The following SH3PXD2B variants were observed in gnomAD, a reference collection of about 807,000 sequenced individuals.
SH3PXD2B encodes SH3 and PX domain-containing protein 2B.
Under a neutral mutation model 73.1 loss-of-function variants are expected in SH3PXD2B, and 37 were observed. The ratio of observed to expected loss-of-function variants is 0.51; its 90% CI spans 0.39 to 0.67. SH3PXD2B has a LOEUF of 0.67. Among genes scored for constraint, SH3PXD2B ranks in the 30% least tolerant of loss-of-function variants. The probability of loss-of-function intolerance (pLI) is 0.00; values close to 1 mark genes in which losing one functional copy is unlikely to be tolerated. For missense variants in SH3PXD2B, 1,053 were observed against 1,197.8 expected (o/e 0.88, Z 1.78); for synonymous variants, 457 against 480.5 (o/e 0.95, Z 0.64).
chr5:172,374,345 T>C (rs1757776018), intron 5 of SH3PXD2B, among the ~76,000 whole-genome samples: 1 of 151,992 alleles, frequency 6.6e-6, no homozygotes, highest in African/African-American at 2.4e-5. Flanking sequence ...GAATAATGAA[T>C]AGTGAGTCCC....
chr5:172,436,041 G>T (rs2113492778), intron 1 of SH3PXD2B, among the ~76,000 whole-genome samples: 1 of 152,314 alleles, frequency 6.6e-6, no homozygotes, highest in African/African-American at 2.4e-5. Context: ...GGAGGTGCTG[G>T]CCAAGAGGTG....
chr5:172,389,237 G>T (rs1396416920), intron 4 of SH3PXD2B, among the ~76,000 whole-genome samples: 2 of 151,710 alleles, frequency 1.3e-5, no homozygotes, highest in East Asian at 3.9e-4. Flanking sequence ...TATATTTTTA[G>T]TAGAGATGGG....
In SH3PXD2B at chr5:172,454,488, G is replaced by GCCGCCA. The variant is rs923495471; in HGVS notation, c.-142_-137dup. ...CAGCCGGGGCCGAGCACGAGCCGCC[G>GCCGCCA]CCGCCACCGCCGCCGCCCTTCGCTC... is the stretch of plus-strand genomic sequence containing the variant. On this transcript the variant is annotated 5_prime_UTR_variant, in exon 1 of 13. Coordinates refer to ENST00000311601, the MANE Select transcript of SH3PXD2B (RefSeq NM_001017995.3). 8.4e-6 allele frequency: 2 copies of GCCGCCA among 237,158 alleles called. No individual in the cohort carries two copies. The highest frequency in any genetic ancestry group is 1.4e-5 in the Non-Finnish European group (2 of 145,216). 14.7% of individuals were successfully genotyped at this position (237,158 alleles called of 1,614,324 possible). A position where few individuals can be genotyped will look rare whatever the true frequency, so the allele number is the denominator to read the frequency against.
chr5:172,384,704 T>C (rs1758021103), intron 4 of SH3PXD2B, among the ~76,000 whole-genome samples: 1 of 152,256 alleles, frequency 6.6e-6, no homozygotes, highest in Non-Finnish European at 1.5e-5. Flanking sequence ...TTTTAAAGGC[T>C]GAGTAATATT....
rs1293195611 is a variant in SH3PXD2B, at chr5:172,337,289, A to C, written c.*1080T>G. On this transcript the variant is annotated 3_prime_UTR_variant, in exon 13 of 13. Transcript: ENST00000311601. The stretch of plus-strand genomic sequence containing the variant: ...CTTGGCCACCACTTAGCCAGCTTCT[A>C]TCTCTTCCCTGCCTGGTTTGTCTTT... The C allele has an allele frequency of 9.1e-6, 9 of 985,542 alleles. No individual in the cohort carries two copies. Among genetic ancestry groups the C allele is most frequent in the Non-Finnish European group, 1.1e-5 (9 of 830,096 alleles). 61.0% of individuals were successfully genotyped at this position (985,542 alleles called of 1,614,324 possible).
chr5:172,450,303 G>C (rs76761317), intron 1 of SH3PXD2B, among the ~76,000 whole-genome samples: 11,183 of 150,960 alleles, frequency 0.074, 1,386 homozygotes, highest in African/African-American at 0.26. Flanking sequence ...CAGGATAGTG[G>C]TTTTATGGGG....
intron 3 of SH3PXD2B, among the ~76,000 whole-genome samples, chr5:172,399,362 C>T (rs749246431): frequency 5.3e-5 from 8 of 152,168 alleles, no homozygotes; most frequent in Non-Finnish European, 8.8e-5. Context: ...TACCTCTGCT[C>T]AAAAGGCTGA....
chr5:172,442,228 TGC>T (rs963508556), intron 1 of SH3PXD2B, among the ~76,000 whole-genome samples: 14 of 152,358 alleles, frequency 9.2e-5, no homozygotes, highest in African/African-American at 3.4e-4. Flanking sequence ...ACAGGCTGAC[TGC>T]ACGGTCAGAG....
chr5:172,331,768 A>G (rs1245916822), downstream of SH3PXD2B, among the ~76,000 whole-genome samples: 2 of 152,140 alleles, frequency 1.3e-5, no homozygotes, highest in East Asian at 1.9e-4. Context: ...CCTGGCCAAC[A>G]TGGTGAAACC....
At chr5:172,427,074 G>A (rs1041142518) in intron 1 of SH3PXD2B, among the ~76,000 whole-genome samples, 6 of 152,186 alleles carry the variant, frequency 3.9e-5, no homozygotes, top group African/African-American at 1.4e-4. Flanking sequence ...TTCACAAGAG[G>A]CCAAAGATGG....
chr5:172,445,414 T>TC lies in SH3PXD2B; in HGVS notation c.75+8863dup, dbSNP rs763182967. Among the ~76,000 whole-genome samples the TC allele has an allele frequency of 6.6e-6, 1 of 151,968 alleles. No homozygotes were observed. The highest frequency in any genetic ancestry group is 1.5e-5 in the Non-Finnish European group (1 of 67,988). On this transcript the variant is annotated intron_variant, in intron 1 of 12. Coordinates refer to ENST00000311601, the MANE Select transcript of SH3PXD2B (RefSeq NM_001017995.3). This position sits in a 1 kb window ranked among gnomAD's most constrained non-coding sequence, Gnocchi z 5.2. ...TAGTAGAGATGAGGTCTCACTATGT[T>TC]CCCCAGGCTGGTATTGAACTCCTGG...
At chr5:172,423,630 G>A (rs1759027985) in intron 1 of SH3PXD2B, among the ~76,000 whole-genome samples, 2 of 151,840 alleles carry the variant, frequency 1.3e-5, no homozygotes, top group Non-Finnish European at 2.9e-5. Flanking sequence ...ACAGCCAGTA[G>A]GAGTCTGTCC....
chr5:172,397,581 G>A (rs1012215238), intron 3 of SH3PXD2B, among the ~76,000 whole-genome samples: 3 of 152,086 alleles, frequency 2.0e-5, no homozygotes, highest in Non-Finnish European at 4.4e-5. Flanking sequence ...TCTCTCTTTT[G>A]TACTCTTTCC....
In SH3PXD2B at chr5:172,447,202, G is replaced by GA. The variant is rs898419371; in HGVS notation, c.75+7075dup. Reference sequence around the variant, plus strand: ...AAGCACAGAAAAGCACAGACAAGCAGAAAAAAAAAAGGAATGACATTTTAT... The same window carrying GA: ...AAGCACAGAAAAGCACAGACAAGCAGAAAAAAAAAAAGGAATGACATTTTAT... On this transcript the variant is annotated intron_variant, in intron 1 of 12. Transcript: ENST00000311601. Among the ~76,000 whole-genome samples, 82 of 147,576 alleles carry GA rather than the reference G, an allele frequency of 5.6e-4. 1 individual carries two copies. In the Middle Eastern group the frequency reaches 0.01, roughly 19 times the overall value.
chr5:172,430,553 C>T (rs773672553), intron 1 of SH3PXD2B, among the ~76,000 whole-genome samples: 69 of 152,362 alleles, frequency 4.5e-4, no homozygotes, highest in Admixed American at 1.4e-3. Context: ...ATGCCAACTG[C>T]CACACACTTG....
chr5:172,418,111 C>T lies in SH3PXD2B; in HGVS notation c.156+4305G>A, dbSNP rs144408100. On this transcript the variant is annotated intron_variant, in intron 2 of 12. Transcript: ENST00000311601. ...CAGCTAAAAGTGTGGATACTGGGGT[C>T]GCCTGCCAGCTTCCAATCTGAGCTC... 2.7e-3 allele frequency among the ~76,000 whole-genome samples: 403 copies of T among 150,640 alleles called. 1 individual carries two copies. The highest frequency in any genetic ancestry group is 9.5e-3 in the African/African-American group (388 of 40,998).
At position 172,338,087 on chromosome 5, in the gene SH3PXD2B, A is replaced by C; in HGVS notation, c.*282T>G. 2 of 1,336,710 alleles carry C rather than the reference A, an allele frequency of 1.5e-6. No individual in the cohort carries two copies. Among genetic ancestry groups the C allele is most frequent in the Non-Finnish European group, 9.6e-7 (1 of 1,039,498 alleles). 82.8% of individuals were successfully genotyped at this position (1,336,710 alleles called of 1,614,324 possible). On this transcript the variant is annotated 3_prime_UTR_variant, in exon 13 of 13. Transcript: ENST00000311601. The surrounding 1 kb of genome is among the most constrained non-coding windows in gnomAD (Gnocchi z 5.1). ...GGTCCCACTGCTGGGTGGCAATGCC[A>C]TTGGCCAGGAGGAGTTCTCTTAAGG... is the stretch of plus-strand genomic sequence containing the variant.
At chr5:172,435,250 A>G (rs564380169) in intron 1 of SH3PXD2B, among the ~76,000 whole-genome samples, 4 of 152,330 alleles carry the variant, frequency 2.6e-5, no homozygotes, top group Admixed American at 2.6e-4. Context: ...TAAAATTTCC[A>G]TTTAAAAGTA....
At chr5:172,405,842 C>G (rs1464675936) in intron 3 of SH3PXD2B, among the ~76,000 whole-genome samples, 4 of 152,154 alleles carry the variant, frequency 2.6e-5, no homozygotes, top group Non-Finnish European at 5.9e-5. Flanking sequence ...ACAGAAAGCA[C>G]TCACTAGAAA....
Sources: gnomAD v4.1 joint callset for allele counts (sites outside exome capture counted in the v4.1 genomes callset) on GRCh38, gnomAD v4.1.1 for gene constraint, Gnocchi (gnomAD v3.1) non-coding constraint, MANE v1.5 for transcripts, NCBI Gene and HGNC (gene_info 2026-07-23, HGNC 2026-07-21) for gene names.